The following CTDSPL variants were observed in gnomAD, a reference collection of about 807,000 sequenced individuals.
CTDSPL encodes CTD small phosphatase like.
Under a neutral mutation model 30.5 loss-of-function variants are expected in CTDSPL, and 8 were observed. That is an observed-to-expected ratio of 0.26 (90% CI 0.15 to 0.47). The LOEUF (loss-of-function observed/expected upper bound fraction) is 0.47. CTDSPL is among the 20% of genes least tolerant of loss of function. The pLI, the probability that CTDSPL is intolerant of heterozygous loss-of-function variation, is 0.99. For missense variants in CTDSPL, 248 were observed against 366.1 expected (o/e 0.68, Z 2.63); for synonymous variants, 110 against 137.9 (o/e 0.80, Z 1.42).
intron 1 of CTDSPL, among the ~76,000 whole-genome samples, chr3:37,890,578 T>TA (rs545226259): frequency 6.6e-6 from 1 of 152,154 alleles, no homozygotes. Context: ...TTTGTTTTGA[T>TA]AAAAAAGTAA....
At chr3:37,941,407 C>G (rs1468971728) in intron 1 of CTDSPL, among the ~76,000 whole-genome samples, 1 of 149,084 alleles carries the variant, frequency 6.7e-6, no homozygotes, top group Non-Finnish European at 1.5e-5. Context: ...TGCTTTCTTT[C>G]TATCTTTTTT....
At chr3:37,952,671 G>T (rs1336213610) in intron 2 of CTDSPL, among the ~76,000 whole-genome samples, 1 of 152,160 alleles carries the variant, frequency 6.6e-6, no homozygotes. Context: ...GCATACAGTT[G>T]ACTTAGTCAA....
chr3:37,934,070 C>T (rs987227816), intron 1 of CTDSPL, among the ~76,000 whole-genome samples: 3 of 152,052 alleles, frequency 2.0e-5, no homozygotes, highest in Admixed American at 2.0e-4. Context: ...GTCTGTTATC[C>T]CAATATTTTG....
chr3:37,971,305 C>A, intron 5 of CTDSPL, 102 bp from the exon 6 acceptor site: 1 of 1,005,848 alleles, frequency 9.9e-7, no homozygotes, highest in Non-Finnish European at 1.5e-6. Context: ...GGGAGGGAGG[C>A]AGGAACCTTT....
chr3:37,863,169 C>CTTACAAGG (rs1451673991), intron 1 of CTDSPL, among the ~76,000 whole-genome samples: 2 of 152,204 alleles, frequency 1.3e-5, no homozygotes, highest in Non-Finnish European at 2.9e-5. Context: ...GTTGGGAGGA[C>CTTACAAGG]TTACAAGGCC....
intron 1 of CTDSPL, among the ~76,000 whole-genome samples, chr3:37,879,213 G>A (rs2125591463): frequency 6.6e-6 from 1 of 152,300 alleles, no homozygotes; most frequent in East Asian, 1.9e-4. Flanking sequence ...TTCATATAGA[G>A]ATCACAATTC....
intron 1 of CTDSPL, among the ~76,000 whole-genome samples, chr3:37,926,283 G>A (rs891270640): frequency 6.6e-6 from 1 of 152,208 alleles, no homozygotes; most frequent in African/African-American, 2.4e-5. Flanking sequence ...CTTCATCAAA[G>A]CCATGCCAGG....
intron 1 of CTDSPL, among the ~76,000 whole-genome samples, chr3:37,928,046 A>G (rs1344194878): frequency 6.6e-6 from 1 of 152,148 alleles, no homozygotes; most frequent in East Asian, 1.9e-4. Flanking sequence ...ATATTCCTCC[A>G]TCTATGCTGT....
intron 1 of CTDSPL, among the ~76,000 whole-genome samples, chr3:37,895,242 A>G (rs1359364902): frequency 6.6e-6 from 1 of 152,130 alleles, no homozygotes; most frequent in Admixed American, 6.5e-5. Flanking sequence ...GCCAACATTC[A>G]GCTTGGTTGA....
Position 37,982,860 on chromosome 3 carries a change from T to C in CTDSPL, c.*1993T>C. The C allele has an allele frequency of 2.8e-6, 1 of 351,924 alleles. No homozygotes were observed. Among genetic ancestry groups the C allele is most frequent in the East Asian group, 7.5e-5 (1 of 13,332 alleles). 21.8% of individuals were successfully genotyped at this position (351,924 alleles called of 1,614,324 possible). ...GTCTTGAATGTTGCAGTCAAGTGTCTGTCATGTGTTGATATCCACACAGAA... is the reference window on the plus strand; with the variant it reads ...GTCTTGAATGTTGCAGTCAAGTGTCCGTCATGTGTTGATATCCACACAGAA... On this transcript the variant is annotated 3_prime_UTR_variant, in exon 8 of 8. Transcript: ENST00000273179.
chr3:37,980,730 A>G lies in CTDSPL; in HGVS notation c.706-12A>G, dbSNP rs745935018. On this transcript the variant is annotated splice_polypyrimidine_tract_variant and intron_variant, in intron 7 of 7. Transcript: ENST00000273179. Reference sequence around the variant, plus strand: ...TGCAGTCCTGCTGCCTCCTCCATGCACTGTCTTCCAGGTGCCTGTGCAGTC... The same window carrying G: ...TGCAGTCCTGCTGCCTCCTCCATGCGCTGTCTTCCAGGTGCCTGTGCAGTC... 2 of 1,614,100 alleles carry G rather than the reference A, an allele frequency of 1.2e-6. No individual in the cohort carries two copies. The highest frequency in any genetic ancestry group is 1.7e-6 in the Non-Finnish European group (2 of 1,179,992).
At chr3:37,961,981 G>A (rs1444197199) in intron 3 of CTDSPL, among the ~76,000 whole-genome samples, 2 of 152,154 alleles carry the variant, frequency 1.3e-5, no homozygotes, top group Non-Finnish European at 1.5e-5. Flanking sequence ...CCCAAACCGT[G>A]GATGGCAAGC....
chr3:37,921,607 C>CCACACA (rs58395906), intron 1 of CTDSPL, among the ~76,000 whole-genome samples: 2,454 of 147,718 alleles, frequency 0.017, 35 homozygotes, highest in African/African-American at 0.032. Context: ...ACCCTAACTA[C>CCACACA]CACACACACA....
chr3:37,945,135 G>T (rs1001226805), intron 1 of CTDSPL, among the ~76,000 whole-genome samples: 1 of 149,862 alleles, frequency 6.7e-6, no homozygotes, highest in African/African-American at 2.4e-5. Flanking sequence ...CCAGGGAAAA[G>T]ATTTTTTTTT....
At chr3:37,927,601 C>CT (rs1698794870) in intron 1 of CTDSPL, among the ~76,000 whole-genome samples, 1 of 141,884 alleles carries the variant, frequency 7.0e-6, no homozygotes. Context: ...CAAGGCCAGT[C>CT]TTTTTTTGTT....
rs952084166 is a variant in CTDSPL, at chr3:37,980,852, ACT to A, written c.819_820del (p.Cys274GlnfsTer2). 2 of 1,613,680 alleles carry A rather than the reference ACT, an allele frequency of 1.2e-6. No homozygotes were observed. The highest frequency in any genetic ancestry group is 1.7e-6 in the Non-Finnish European group (2 of 1,179,926). On this transcript the variant is annotated frameshift_variant, in exon 8 of 8. Transcript: ENST00000273179. LOFTEE classifies it high-confidence loss of function. ...ACGACGTGTACAGCATGCTGCACAGACTCTGCAATAGGTAGCCCTGGCCTCTG... is the reference window on the plus strand; with the variant it reads ...ACGACGTGTACAGCATGCTGCACAGACTGCAATAGGTAGCCCTGGCCTCTG... ...EDDVYSMLHR[L>X]CNR
At chr3:37,919,036 C>T (rs1406435202) in intron 1 of CTDSPL, among the ~76,000 whole-genome samples, 1 of 152,096 alleles carries the variant, frequency 6.6e-6, no homozygotes, top group Admixed American at 6.5e-5. Flanking sequence ...TTAAATGACT[C>T]TGAAAATCTC....
rs1325424247 is a variant in CTDSPL, at chr3:37,974,390, A to T, written c.520-1319A>T. On this transcript the variant is annotated intron_variant, in intron 6 of 7. Transcript: ENST00000273179. ...ACAGCTGTGCTGGCACTTGCTCTGCACTCCACTACTGGCCTTCCCAGCGCC... is the reference window on the plus strand; with the variant it reads ...ACAGCTGTGCTGGCACTTGCTCTGCTCTCCACTACTGGCCTTCCCAGCGCC... Among the ~76,000 whole-genome samples, 6 of 152,016 alleles carry T rather than the reference A, an allele frequency of 3.9e-5. No homozygotes were observed. In the East Asian group the frequency reaches 9.6e-4, roughly 24 times the overall value.
Position 37,981,405 on chromosome 3 carries a change from T to G in CTDSPL, c.*538T>G. On this transcript the variant is annotated 3_prime_UTR_variant, in exon 8 of 8. Coordinates refer to ENST00000273179, the MANE Select transcript of CTDSPL (RefSeq NM_001008392.2). ...TCTAGAACCTGGTAGCGTGTGTGTG[T>G]GTGGCGGGGGGTGCTGAGGGAGGGG... The G allele has an allele frequency of 5.9e-6, 1 of 169,314 alleles. No homozygotes were observed. Among genetic ancestry groups the G allele is most frequent in the Non-Finnish European group, 1.3e-5 (1 of 77,560 alleles). 10.5% of individuals were successfully genotyped at this position (169,314 alleles called of 1,614,324 possible).
Sources: allele counts gnomAD v4.1 joint callset (sites outside exome capture counted in the v4.1 genomes callset), GRCh38; gene constraint gnomAD v4.1.1; transcripts MANE v1.5; gene names NCBI Gene and HGNC (gene_info 2026-07-23, HGNC 2026-07-21).